Variants in FRMPD4 observed in about 807,000 individuals in gnomAD.
FRMPD4 encodes FERM and PDZ domain-containing protein 4.
A neutral mutation model predicts 94.1 loss-of-function variants in FRMPD4; 22 were observed. That is an observed-to-expected ratio of 0.23 (90% CI 0.17 to 0.33). FRMPD4 has a LOEUF of 0.33. FRMPD4 is among the 10% of genes least tolerant of loss of function. The pLI, the probability that FRMPD4 is intolerant of heterozygous loss-of-function variation, is 1.00. For synonymous variants in FRMPD4, 631 were observed against 548.6 expected (o/e 1.15, Z -2.10); for missense variants, 1,111 against 1,339.9 (o/e 0.83, Z 2.67).
At chrX:11,946,672 A>C (rs139981330) in intron 3 of FRMPD4, among the ~76,000 whole-genome samples, 1 of 111,351 alleles carries the variant, frequency 9.0e-6, no homozygotes, top group Non-Finnish European at 1.9e-5. Context: ...TAGCATTTGC[A>C]TTGGTAGACT....
chrX:12,393,668 A>G (rs1363401480), intron 1 of FRMPD4, among the ~76,000 whole-genome samples: 1 of 112,373 alleles, frequency 8.9e-6, no homozygotes, highest in Admixed American at 9.4e-5. Context: ...TGGAACAAAT[A>G]TACCTGGATT....
In FRMPD4 at chrX:12,679,033, A is replaced by G. The variant is rs1019467809; in HGVS notation, c.468+4125A>G. ...TTACTGTGTTCCACACAGCTGAGAG[A>G]GGCTACACACCTCCTCATGGAAACC... On this transcript the variant is annotated intron_variant, in intron 5 of 16. Transcript: ENST00000675598. Among the ~76,000 whole-genome samples, 168 of 112,043 alleles carry G rather than the reference A, an allele frequency of 1.5e-3. 1 individual carries two copies. In the Admixed American group the frequency reaches 0.015, roughly 10 times the overall value.
chrX:12,435,714 A>G (rs910526049), intron 1 of FRMPD4, among the ~76,000 whole-genome samples: 2 of 111,755 alleles, frequency 1.8e-5, no homozygotes, highest in Admixed American at 1.9e-4. Context: ...CTCTAGAAAC[A>G]AGTTTACAGG....
At chrX:12,384,323 CT>C (rs1434351423) in intron 1 of FRMPD4, among the ~76,000 whole-genome samples, 4 of 111,362 alleles carry the variant, frequency 3.6e-5, no homozygotes, top group African/African-American at 1.3e-4. Flanking sequence ...CAAGACCAGC[CT>C]GGCCAACATG....
intron 1 of FRMPD4, among the ~76,000 whole-genome samples, chrX:11,848,852 A>G (rs911601305): frequency 8.9e-5 from 10 of 111,847 alleles, no homozygotes; most frequent in Non-Finnish European, 1.3e-4. Flanking sequence ...CTGACATCAT[A>G]CTCAATTGTG....
At chrX:12,314,741 A>G (rs1379312723) in intron 1 of FRMPD4, among the ~76,000 whole-genome samples, 3 of 110,860 alleles carry the variant, frequency 2.7e-5, no homozygotes, top group Non-Finnish European at 5.7e-5. Flanking sequence ...CTCCCTCCTG[A>G]ATGTGTCACT....
intron 3 of FRMPD4, among the ~76,000 whole-genome samples, chrX:12,004,888 G>T (rs963005446): frequency 4.0e-4 from 44 of 110,670 alleles, no homozygotes; most frequent in Non-Finnish European, 7.6e-4. Context: ...GCATTATGTA[G>T]ATCTTTAACA....
intron 1 of FRMPD4, among the ~76,000 whole-genome samples, chrX:11,832,424 G>A (rs983409650): frequency 3.6e-5 from 4 of 111,596 alleles, no homozygotes; most frequent in African/African-American, 1.3e-4. Context: ...CAGCACAGAC[G>A]AGATGACCTT....
At chrX:12,385,959 C>A (rs2056392249) in intron 1 of FRMPD4, among the ~76,000 whole-genome samples, 1 of 112,416 alleles carries the variant, frequency 8.9e-6, no homozygotes, top group Non-Finnish European at 1.9e-5. Flanking sequence ...CTTTGACAGT[C>A]CTATCACACA....
intron 3 of FRMPD4, among the ~76,000 whole-genome samples, chrX:12,008,850 C>CT (rs1205031674): frequency 1.8e-5 from 2 of 111,315 alleles, no homozygotes; most frequent in African/African-American, 3.3e-5. Flanking sequence ...TTAATTTTTG[C>CT]TTTTTTTTAA....
chrX:12,514,641 G>A (rs761018461), intron 2 of FRMPD4, among the ~76,000 whole-genome samples: 84 of 111,754 alleles, frequency 7.5e-4, no homozygotes, highest in Middle Eastern at 4.6e-3. Context: ...TTTTTGCCTC[G>A]ATGTTCATCA....
At chrX:11,869,936 T>C (rs1332349311) in intron 2 of FRMPD4, among the ~76,000 whole-genome samples, 2 of 111,743 alleles carry the variant, frequency 1.8e-5, no homozygotes, top group Non-Finnish European at 3.8e-5. Context: ...ATATGTGTCA[T>C]ACTTTCCCTG....
At chrX:11,999,568 G>A (rs770630417) in intron 3 of FRMPD4, among the ~76,000 whole-genome samples, 4 of 112,033 alleles carry the variant, frequency 3.6e-5, no homozygotes, top group African/African-American at 6.5e-5. Flanking sequence ...TCAATTTGAC[G>A]TTAAAGCATG....
intron 1 of FRMPD4, among the ~76,000 whole-genome samples, chrX:12,480,512 A>T (rs1190642741): frequency 1.8e-5 from 2 of 111,451 alleles, no homozygotes; most frequent in East Asian, 5.6e-4. Context: ...TTTCTTGTAC[A>T]CAATGCCCTT....
chrX:12,687,102 T>G (rs748168899), intron 7 of FRMPD4, among the ~76,000 whole-genome samples: 14 of 112,015 alleles, frequency 1.2e-4, no homozygotes, highest in Non-Finnish European at 1.7e-4. Context: ...TTAATCAGCA[T>G]AGACCTCACA....
intron 1 of FRMPD4, among the ~76,000 whole-genome samples, chrX:12,220,978 C>A (rs1203115994): frequency 9.0e-6 from 1 of 111,717 alleles, no homozygotes; most frequent in African/African-American, 3.3e-5. Context: ...AGCAACATAT[C>A]AATTTCATGG....
intron 1 of FRMPD4, among the ~76,000 whole-genome samples, chrX:12,335,251 G>A (rs1046968093): frequency 4.6e-5 from 5 of 109,535 alleles, no homozygotes; most frequent in South Asian, 4.0e-4. Flanking sequence ...CTCAGCCACC[G>A]GATTAGCTGG....
At chrX:12,140,037 G>A (rs2055668323) in intron 1 of FRMPD4, among the ~76,000 whole-genome samples, 2 of 112,583 alleles carry the variant, frequency 1.8e-5, no homozygotes, top group African/African-American at 3.2e-5. Flanking sequence ...AGGCAGGGAT[G>A]AGCAGCTTCC....
intron 4 of FRMPD4, among the ~76,000 whole-genome samples, chrX:12,621,986 GAA>G (rs1252424239): frequency 2.8e-5 from 1 of 35,447 alleles, no homozygotes; most frequent in Non-Finnish European, 4.8e-5. Context: ...AAGAAAGAAA[GAA>G]AGAAAGAAAG....
Sources: gnomAD v4.1 joint callset for allele counts (sites outside exome capture counted in the v4.1 genomes callset) on GRCh38, gnomAD v4.1.1 for gene constraint, MANE v1.5 for transcripts, NCBI Gene and HGNC (gene_info 2026-07-23, HGNC 2026-07-21) for gene names.